The following CRTC3 variants were observed in gnomAD, a reference collection of about 807,000 sequenced individuals.
CRTC3 encodes CREB-regulated transcription coactivator 3.
Under a neutral mutation model 74.5 loss-of-function variants are expected in CRTC3, and 26 were observed. The observed-to-expected ratio is 0.35, with a 90% CI of 0.26 to 0.48. CRTC3 has a LOEUF of 0.48. Ranked by LOEUF, CRTC3 falls within the 20% of genes least tolerant of loss-of-function variation. The pLI is 0.99. For missense variants in CRTC3, 760 were observed against 787.3 expected, an observed-to-expected ratio of 0.97 and a Z score of 0.41; for synonymous variants, 377 against 325.8, an observed-to-expected ratio of 1.16 and a Z score of -1.69.
intron 7 of CRTC3, 106 bp from the exon 8 acceptor site, chr15:90,617,777 T>G (rs763443566): frequency 2.8e-6 from 2 of 710,404 alleles, no homozygotes; most frequent in Non-Finnish European, 5.0e-6. Flanking sequence ...GCGATCCTCC[T>G]GCCTCAGCCC....
intron 1 of CRTC3, among the ~76,000 whole-genome samples, chr15:90,534,860 T>G (rs924503245): frequency 6.6e-6 from 1 of 152,066 alleles, no homozygotes; most frequent in Non-Finnish European, 1.5e-5. Flanking sequence ...GTTACCCTTG[T>G]CAGAAGGTGA....
At position 90,530,140 on chromosome 15, in the gene CRTC3, G is replaced by T. The variant is rs760524428; in HGVS notation, c.69G>T (p.Thr23=). The T allele has an allele frequency of 6.9e-7, 1 of 1,452,278 alleles. No individual in the cohort carries two copies. The highest frequency in any genetic ancestry group is 9.2e-7 in the Non-Finnish European group (1 of 1,086,932). The allele number at this position is 1,452,278 out of a possible 1,614,324, so 90.0% of individuals were successfully genotyped here. The change falls in exon 1 of 15, where the codon ACG becomes ACT. Residue 23 remains threonine (T), a synonymous_variant. Coordinates refer to ENST00000268184, the MANE Select transcript of CRTC3 (RefSeq NM_022769.5). This position sits in a 1 kb window ranked among gnomAD's most constrained non-coding sequence, Gnocchi z 6.2. ...RKFSEKIALH[T]QRQAEETRAF... is the part of the protein sequence containing the mutation. ...TCAGTGAGAAGATCGCGCTGCACAC[G>T]CAGAGACAGGCCGAGGAGACGCGGG...
intron 6 of CRTC3, among the ~76,000 whole-genome samples, chr15:90,612,292 C>T (rs1045213167): frequency 2.0e-5 from 3 of 151,974 alleles, no homozygotes. Flanking sequence ...CTGTGGGGAT[C>T]CCATGAGATC....
chr15:90,586,362 CTTTTTTT>C (rs55985691), intron 2 of CRTC3, among the ~76,000 whole-genome samples: 1 of 81,264 alleles, frequency 1.2e-5, no homozygotes, highest in Non-Finnish European at 2.3e-5. Flanking sequence ...GGTAGAACTT[CTTTTTTT>C]TTTTTTTTTT....
chr15:90,637,770 C>A (rs1969294042), intron 11 of CRTC3: 1 of 152,308 alleles, frequency 6.6e-6, no homozygotes, highest in Non-Finnish European at 1.5e-5. Context: ...ACCAGAATCT[C>A]CTGGTTTTAG....
chr15:90,567,691 A>AAAAAAAAAAAATAAAT (rs1967157388), intron 2 of CRTC3, among the ~76,000 whole-genome samples: 1 of 145,680 alleles, frequency 6.9e-6, no homozygotes, highest in Admixed American at 6.9e-5. Context: ...TCCGTCTCAA[A>AAAAAAAAAAAATAAAT]AAATAAATAA....
At chr15:90,544,592 A>G (rs1966841151) in intron 2 of CRTC3, among the ~76,000 whole-genome samples, 1 of 152,252 alleles carries the variant, frequency 6.6e-6, no homozygotes, top group Non-Finnish European at 1.5e-5. Flanking sequence ...GGCAATTATG[A>G]ATAAATATTC....
At position 90,542,324 on chromosome 15, in the gene CRTC3, G is replaced by A. The variant is rs142274225; in HGVS notation, c.231+2187G>A. ...CTCCCAAGTAGCTGGGATCATAGGC[G>A]TGCGTCACCACGCCTGGCTAATTTT... On this transcript the variant is annotated intron_variant, in intron 2 of 14. Coordinates refer to ENST00000268184, the MANE Select transcript of CRTC3 (RefSeq NM_022769.5). Among the ~76,000 whole-genome samples, 883 of 151,960 alleles carry A rather than the reference G, an allele frequency of 5.8e-3. 8 individuals are homozygous for A. The highest frequency in any genetic ancestry group is 0.02 in the African/African-American group (812 of 41,444).
chr15:90,641,246 G>A (rs753157410), intron 14 of CRTC3, 47 bp downstream of exon 14: 2 of 1,252,616 alleles, frequency 1.6e-6, no homozygotes, highest in Non-Finnish European at 2.3e-6. Flanking sequence ...ATGTTGTTGT[G>A]TGTTCAGGAA....
At chr15:90,586,591 G>A (rs926743975) in intron 2 of CRTC3, among the ~76,000 whole-genome samples, 2 of 151,902 alleles carry the variant, frequency 1.3e-5, no homozygotes, top group Non-Finnish European at 2.9e-5. Context: ...TTGAACTCCT[G>A]ACCTCATGAT....
intron 2 of CRTC3, among the ~76,000 whole-genome samples, chr15:90,556,391 T>G (rs1166005049): frequency 6.6e-6 from 1 of 152,220 alleles, no homozygotes; most frequent in Non-Finnish European, 1.5e-5. Flanking sequence ...GATATTTACC[T>G]TAGCAAAACT....
intron 5 of CRTC3, 29 bp from the exon 6 acceptor site, chr15:90,607,349 T>C: frequency 7.2e-7 from 1 of 1,396,950 alleles, no homozygotes; most frequent in Non-Finnish European, 1.0e-6. Flanking sequence ...AAACGGATTT[T>C]CAGCCAGCCT....
At position 90,602,786 on chromosome 15, in the gene CRTC3, C is replaced by T. The variant is rs139294569; in HGVS notation, c.413+401C>T. On this transcript the variant is annotated intron_variant, in intron 4 of 14. Transcript: ENST00000268184. ...GTCAGGAGATTGAGACCATCCTGGC[C>T]AACATCATGAAACCCCGTCTCTACT... Among the ~76,000 whole-genome samples, 1,196 of 149,446 alleles carry T rather than the reference C, an allele frequency of 8.0e-3. 12 individuals carry two copies. Among genetic ancestry groups the T allele is most frequent in the African/African-American group, 0.022 (887 of 40,582 alleles).
At chr15:90,562,216 C>A (rs906004185) in intron 2 of CRTC3, among the ~76,000 whole-genome samples, 1 of 152,208 alleles carries the variant, frequency 6.6e-6, no homozygotes, top group Non-Finnish European at 1.5e-5. Context: ...TCCCCACAGA[C>A]ATATGACAGA....
At chr15:90,540,164 A>G in intron 2 of CRTC3, 27 bp downstream of exon 2, 1 of 1,401,458 alleles carries the variant, frequency 7.1e-7, no homozygotes, top group Non-Finnish European at 1.0e-6. Flanking sequence ...ACTTTCTTGA[A>G]GCTGAATGGA....
chr15:90,628,458 T>C lies in CRTC3; in HGVS notation c.968-776T>C, dbSNP rs78641515. Among the ~76,000 whole-genome samples, 1,488 of 152,268 alleles carry C rather than the reference T, an allele frequency of 9.8e-3. 17 individuals are homozygous for C. The highest frequency in any genetic ancestry group is 0.033 in the African/African-American group (1,351 of 41,550). ...GAATAATTGATTCACTGGGCGAACC[T>C]GCTCCATGCCAGGCCCTGTGCCAGG... is the stretch of plus-strand genomic sequence containing the variant. On this transcript the variant is annotated intron_variant, in intron 10 of 14. Coordinates refer to ENST00000268184, the MANE Select transcript of CRTC3 (RefSeq NM_022769.5).
At chr15:90,583,134 C>G (rs894610188) in intron 2 of CRTC3, among the ~76,000 whole-genome samples, 7 of 152,060 alleles carry the variant, frequency 4.6e-5, no homozygotes, top group Admixed American at 2.0e-4. Flanking sequence ...CACCACCACA[C>G]CCAGCCATTA....
At chr15:90,539,367 T>C (rs1466740538) in intron 1 of CRTC3, among the ~76,000 whole-genome samples, 1 of 152,148 alleles carries the variant, frequency 6.6e-6, no homozygotes, top group African/African-American at 2.4e-5. Flanking sequence ...CCCCAATTAA[T>C]GGTAATATCC....
chr15:90,558,978 C>CTGG (rs1966956004), intron 2 of CRTC3, among the ~76,000 whole-genome samples: 1 of 152,076 alleles, frequency 6.6e-6, no homozygotes, highest in African/African-American at 2.4e-5. Flanking sequence ...TCTCGATCTC[C>CTGG]TGGCCTCAAG....
Sources: gnomAD v4.1 joint callset for allele counts (sites outside exome capture counted in the v4.1 genomes callset) on GRCh38, gnomAD v4.1.1 for gene constraint, Gnocchi (gnomAD v3.1) non-coding constraint, MANE v1.5 for transcripts, NCBI Gene and HGNC (gene_info 2026-07-23, HGNC 2026-07-21) for gene names.